Variants in SANBR observed in about 807,000 individuals in gnomAD.
SANBR encodes SANT and BTB domain regulator of CSR, also known as SANT and BTB domain regulator of class switch recombination.
A neutral mutation model predicts 101.8 loss-of-function variants in SANBR; 77 were observed. That is an observed-to-expected ratio of 0.76 (90% CI 0.63 to 0.91). The LOEUF (loss-of-function observed/expected upper bound fraction) is 0.91, where lower values mean the gene tolerates loss of function less well. Ranked by LOEUF, SANBR falls within the 40% of genes least tolerant of loss-of-function variation. The pLI, the probability that SANBR is intolerant of heterozygous loss-of-function variation, is 0.00. For missense variants in SANBR, 875 were observed against 853.0 expected (o/e 1.03, Z -0.32); for synonymous variants, 279 against 274.7 (o/e 1.02, Z -0.15).
chr2:61,116,159 A>C, intron 17 of SANBR, 89 bp downstream of exon 17: 1 of 847,104 alleles, frequency 1.2e-6, no homozygotes, highest in Non-Finnish European at 1.9e-6. Flanking sequence ...TAATGAAGAC[A>C]CATGGAATGC....
At chr2:61,095,994 C>T (rs1462788432) in intron 11 of SANBR, among the ~76,000 whole-genome samples, 1 of 152,080 alleles carries the variant, frequency 6.6e-6, no homozygotes, top group Non-Finnish European at 1.5e-5. Flanking sequence ...GGATATACCA[C>T]CACCGCTCAC....
chr2:61,109,677 G>GTTTTTTTTTTTTTT (rs1363427197), intron 16 of SANBR, among the ~76,000 whole-genome samples: 4 of 109,492 alleles, frequency 3.7e-5, no homozygotes, highest in Non-Finnish European at 7.7e-5. Context: ...TTTTTTTTGT[G>GTTTTTTTTTTTTTT]TTTGTTTTTT....
At chr2:61,096,347 G>A (rs879767439) in intron 11 of SANBR, among the ~76,000 whole-genome samples, 1 of 152,066 alleles carries the variant, frequency 6.6e-6, no homozygotes, top group Non-Finnish European at 1.5e-5. Context: ...AACCTTCAGA[G>A]CCCCATAGTA....
intron 12 of SANBR, among the ~76,000 whole-genome samples, chr2:61,103,584 T>C (rs977206719): frequency 2.6e-5 from 4 of 152,186 alleles, no homozygotes; most frequent in Admixed American, 6.5e-5. Context: ...GAAACCGTTA[T>C]GATCAGAATT....
At chr2:61,131,458 G>A (rs1246613694) in intron 20 of SANBR, among the ~76,000 whole-genome samples, 2 of 151,942 alleles carry the variant, frequency 1.3e-5, no homozygotes, top group African/African-American at 2.4e-5. Flanking sequence ...AAAATTAAAG[G>A]CCTAATGATA....
chr2:61,094,219 T>A, intron 11 of SANBR: 1 of 219,988 alleles, frequency 4.5e-6, no homozygotes, highest in Non-Finnish European at 7.7e-6. Context: ...ACCTCCGCAA[T>A]CAAAGCATGT....
intron 20 of SANBR, among the ~76,000 whole-genome samples, chr2:61,131,876 A>T (rs1684699198): frequency 6.6e-6 from 1 of 152,248 alleles, no homozygotes; most frequent in South Asian, 2.1e-4. Flanking sequence ...GAGTCCAGAA[A>T]TAAACCCACA....
intron 8 of SANBR, among the ~76,000 whole-genome samples, chr2:61,087,666 A>G (rs535605241): frequency 1.3e-5 from 2 of 152,210 alleles, no homozygotes; most frequent in East Asian, 3.9e-4. Context: ...CCTGGCCAAT[A>G]TGGTGAAACC....
intron 20 of SANBR, among the ~76,000 whole-genome samples, chr2:61,133,502 C>A (rs1253081916): frequency 6.6e-6 from 1 of 151,870 alleles, no homozygotes; most frequent in Admixed American, 6.6e-5. Flanking sequence ...CCTGTAATCC[C>A]AGCACTTTGG....
chr2:61,071,237 T>C (rs1681447914), intron 3 of SANBR, among the ~76,000 whole-genome samples: 2 of 152,206 alleles, frequency 1.3e-5, no homozygotes, highest in Non-Finnish European at 2.9e-5. Flanking sequence ...AGAAAATACC[T>C]TCTCAATTTT....
chr2:61,095,660 C>T (rs1292410616), intron 11 of SANBR, among the ~76,000 whole-genome samples: 1 of 152,248 alleles, frequency 6.6e-6, no homozygotes, highest in South Asian at 2.1e-4. Flanking sequence ...CCTCTCCTCC[C>T]CGACAGGACC....
Position 61,123,486 on chromosome 2 carries a change from A to G in SANBR, c.*1324A>G. The G allele has an allele frequency of 1.0e-6, 1 of 976,264 alleles. No homozygotes were observed. The highest frequency in any genetic ancestry group is 1.2e-6 in the Non-Finnish European group (1 of 821,490). The allele number at this position is 976,264 out of a possible 1,614,324, so 60.5% of individuals were successfully genotyped here. On this transcript the variant is annotated 3_prime_UTR_variant, in exon 22 of 22. Transcript: ENST00000402291. ...GTTTAGAAATTTTGTTCCCATTTATATTTGTTTCAATTGTTTGATACTGTG... is the reference window on the plus strand; with the variant it reads ...GTTTAGAAATTTTGTTCCCATTTATGTTTGTTTCAATTGTTTGATACTGTG...
Position 61,124,123 on chromosome 2 carries a change from T to A in SANBR, c.*1961T>A, listed in dbSNP as rs1684442886. The stretch of plus-strand genomic sequence containing the variant: ...TTAAAACAAAAAAAGAATGTGTTTT[T>A]AATTTTGTTAATGTTTGTCTGTTAT... On this transcript the variant is annotated 3_prime_UTR_variant, in exon 22 of 22. Coordinates refer to ENST00000402291, the MANE Select transcript of SANBR (RefSeq NM_001129993.3). 5 of 972,476 alleles carry A rather than the reference T, an allele frequency of 5.1e-6. No homozygotes were observed. The South Asian group carries it at 1.9e-4, about 37-fold the overall frequency. 60.2% of individuals were successfully genotyped at this position (972,476 alleles called of 1,614,324 possible). A position where few individuals can be genotyped will look rare whatever the true frequency, so the allele number is the denominator to read the frequency against.
At chr2:61,084,460 A>T (rs1682314853) in intron 8 of SANBR, among the ~76,000 whole-genome samples, 1 of 151,988 alleles carries the variant, frequency 6.6e-6, no homozygotes, top group African/African-American at 2.4e-5. Flanking sequence ...AGGTGGGATG[A>T]TTGCTTGAGG....
rs746088588 is a variant in SANBR, at chr2:61,118,089, C to T, written c.2001C>T (p.Asp667=). 1.2e-6 allele frequency: 2 copies of T among 1,613,410 alleles called. No homozygotes were observed. The highest frequency in any genetic ancestry group is 2.2e-5 in the East Asian group (1 of 44,850). Residue 667 remains aspartate, a synonymous_variant, in exon 20 of 22, where the codon GAC becomes GAT. Coordinates refer to ENST00000402291, the MANE Select transcript of SANBR (RefSeq NM_001129993.3). The stretch of plus-strand genomic sequence containing the variant: ...TAAAAATGAGATTGGGGGATCTGGA[C>T]CGAGTCAAGTCAAAGGAAGCAAAAG... ...HLIKMRLGDL[D]RVKSKEAKEF...
chr2:61,082,188 T>TAGCTC (rs1414895317), intron 7 of SANBR, among the ~76,000 whole-genome samples: 3 of 152,132 alleles, frequency 2.0e-5, no homozygotes, highest in Admixed American at 2.0e-4. Context: ...TTCTACTCCT[T>TAGCTC]AGCTCTTCCC....
chr2:61,078,766 T>C (rs771019305), intron 6 of SANBR, among the ~76,000 whole-genome samples: 20 of 151,964 alleles, frequency 1.3e-4, no homozygotes, highest in Admixed American at 2.6e-4. Context: ...AGGCAGGGCA[T>C]GGTGGCTCAC....
intron 21 of SANBR, among the ~76,000 whole-genome samples, chr2:61,136,892 C>T (rs2104999899): frequency 6.6e-6 from 1 of 151,324 alleles, no homozygotes; most frequent in Admixed American, 6.6e-5. Context: ...ATTGCTTGAA[C>T]TTGGGAGGCG....
Position 61,092,461 on chromosome 2 carries a change from C to T in SANBR, c.1089-3C>T. On this transcript the variant is annotated splice_region_variant and splice_polypyrimidine_tract_variant and intron_variant, in intron 10 of 21. Coordinates refer to ENST00000402291, the MANE Select transcript of SANBR (RefSeq NM_001129993.3). ...GCTTGTAAAATTGAGGCTCTTTCTC[C>T]AGAGATAAGACATGGGATGTTCATG... is the stretch of plus-strand genomic sequence containing the variant. 1 of 1,535,338 alleles carries T rather than the reference C, an allele frequency of 6.5e-7. No homozygotes were observed.
Sources: gnomAD v4.1 joint callset for allele counts (sites outside exome capture counted in the v4.1 genomes callset) on GRCh38, gnomAD v4.1.1 for gene constraint, MANE v1.5 for transcripts, NCBI Gene and HGNC (gene_info 2026-07-23, HGNC 2026-07-21) for gene names.